The following SMYD3 variants were observed in gnomAD, a reference collection of about 807,000 sequenced individuals.
SMYD3 encodes histone-lysine N-methyltransferase SMYD3.
A neutral mutation model predicts 57.7 loss-of-function variants in SMYD3; 36 were observed. The ratio of observed to expected loss-of-function variants is 0.62; its 90% CI spans 0.48 to 0.82. The LOEUF (loss-of-function observed/expected upper bound fraction) is 0.82. Ranked by LOEUF, SMYD3 falls within the 40% of genes least tolerant of loss-of-function variation. The pLI is 0.00. For missense variants in SMYD3, 515 were observed against 538.8 expected (o/e 0.96, Z 0.44); for synonymous variants, 211 against 195.0 (o/e 1.08, Z -0.68).
rs1409733340 is a variant in SMYD3 at position 245,773,294 on chromosome 1, A to C, written c.1077-9145T>G. Among the ~76,000 whole-genome samples the C allele has an allele frequency of 5.3e-5, 8 of 152,320 alleles. No individual in the cohort carries two copies. The East Asian group carries it at 1.5e-3, about 29-fold the overall frequency. ...TGGGTGAGTGTCCTCATTAAGGGAA[A>C]GACTTATGTTGCAGATAGGACTAAG... On this transcript the variant is annotated intron_variant, in intron 10 of 11. Coordinates refer to ENST00000490107, the MANE Select transcript of SMYD3 (RefSeq NM_001167740.2).
At chr1:245,792,574 G>C (rs1422662786) in intron 10 of SMYD3, among the ~76,000 whole-genome samples, 1 of 152,158 alleles carries the variant, frequency 6.6e-6, no homozygotes, top group Non-Finnish European at 1.5e-5. Flanking sequence ...AGTTAGCATG[G>C]AATTCTGACA....
intron 1 of SMYD3, 93 bp downstream of exon 1, chr1:246,506,961 G>A (rs1361962625): frequency 2.5e-5 from 30 of 1,199,126 alleles, no homozygotes; most frequent in Non-Finnish European, 3.2e-5. Flanking sequence ...CCATCCAGCA[G>A]GAGTCCCGCG....
intron 5 of SMYD3, among the ~76,000 whole-genome samples, chr1:245,970,500 A>G (rs2058270915): frequency 6.6e-6 from 1 of 152,230 alleles, no homozygotes; most frequent in African/African-American, 2.4e-5. Flanking sequence ...ACAGCAAAAG[A>G]AAAGTATCAG....
At chr1:246,213,002 G>A (rs934754405) in intron 5 of SMYD3, among the ~76,000 whole-genome samples, 3 of 152,120 alleles carry the variant, frequency 2.0e-5, no homozygotes, top group African/African-American at 7.3e-5. Flanking sequence ...GTCTACAAAA[G>A]GAGCTCTAGT....
intron 5 of SMYD3, among the ~76,000 whole-genome samples, chr1:245,981,220 G>A (rs1558556110): frequency 6.6e-6 from 1 of 152,240 alleles, no homozygotes; most frequent in Non-Finnish European, 1.5e-5. Context: ...TTTTAGGACA[G>A]GTAGTGCCAA....
At chr1:246,320,829 G>A (rs1252436075) in intron 5 of SMYD3, among the ~76,000 whole-genome samples, 1 of 152,112 alleles carries the variant, frequency 6.6e-6, no homozygotes, top group Non-Finnish European at 1.5e-5. Flanking sequence ...ATTATCAATG[G>A]ACATTTTAAG....
intron 1 of SMYD3, among the ~76,000 whole-genome samples, chr1:246,369,147 T>C (rs1170119838): frequency 1.3e-5 from 2 of 152,120 alleles, no homozygotes; most frequent in African/African-American, 4.8e-5. Context: ...AAACTTAATA[T>C]CATGCTTGGT....
At chr1:246,372,662 G>GGATCTCTTGA (rs2066211234) in intron 1 of SMYD3, among the ~76,000 whole-genome samples, 2 of 152,212 alleles carry the variant, frequency 1.3e-5, no homozygotes, top group South Asian at 4.1e-4. Context: ...CTTGAGGGCA[G>GGATCTCTTGA]GGGTTAGAGA....
intron 1 of SMYD3, among the ~76,000 whole-genome samples, chr1:246,497,711 G>T (rs1201849134): frequency 1.3e-5 from 2 of 152,056 alleles, no homozygotes; most frequent in East Asian, 3.9e-4. Context: ...CTTTTAATTA[G>T]CTGGGTATGA....
intron 5 of SMYD3, among the ~76,000 whole-genome samples, chr1:246,072,960 G>A (rs920549628): frequency 3.9e-5 from 6 of 152,200 alleles, no homozygotes; most frequent in Admixed American, 6.5e-5. Flanking sequence ...ATTTGTGAAA[G>A]ATAAAATTTC....
intron 1 of SMYD3, among the ~76,000 whole-genome samples, chr1:246,450,724 T>A (rs1185367196): frequency 2.0e-5 from 3 of 152,188 alleles, no homozygotes; most frequent in African/African-American, 7.2e-5. Context: ...AGTAAATGCG[T>A]GATTATTAAA....
chr1:246,213,992 AC>A (rs2063126600), intron 5 of SMYD3, among the ~76,000 whole-genome samples: 1 of 152,122 alleles, frequency 6.6e-6, no homozygotes, highest in Admixed American at 6.5e-5. Context: ...CTCTCGTAAC[AC>A]CAAAAGCTCC....
At chr1:246,504,873 CTT>C (rs2103081161) in intron 1 of SMYD3, among the ~76,000 whole-genome samples, 1 of 152,320 alleles carries the variant, frequency 6.6e-6, no homozygotes, top group Admixed American at 6.5e-5. Context: ...AATACAGAAA[CTT>C]ATCCCTCAAG....
Position 246,355,903 on chromosome 1 carries a change from T to C in SMYD3, c.165-809A>G, listed in dbSNP as rs1037375552. Among the ~76,000 whole-genome samples, 2 of 152,168 alleles carry C rather than the reference T, an allele frequency of 1.3e-5. No homozygotes were observed. Among genetic ancestry groups the C allele is most frequent in the Admixed American group, 1.3e-4 (2 of 15,284 alleles). Reference sequence around the variant, plus strand: ...AGGCCATAATCTCTTGGGAGCTCTATGGCCCTGCCTACCACCTAAGAAACC... The same window carrying C: ...AGGCCATAATCTCTTGGGAGCTCTACGGCCCTGCCTACCACCTAAGAAACC... On this transcript the variant is annotated intron_variant, in intron 1 of 11. Coordinates refer to ENST00000490107, the MANE Select transcript of SMYD3 (RefSeq NM_001167740.2). This position sits in a 1 kb window ranked among gnomAD's most constrained non-coding sequence, Gnocchi z 5.0.
At chr1:246,318,440 G>A (rs1052248898) in intron 5 of SMYD3, among the ~76,000 whole-genome samples, 1 of 152,042 alleles carries the variant, frequency 6.6e-6, no homozygotes, top group Non-Finnish European at 1.5e-5. Context: ...TCCACAAAAC[G>A]GAAAAGGGAT....
chr1:245,947,104 A>G (rs1421344329), intron 5 of SMYD3, among the ~76,000 whole-genome samples: 1 of 152,204 alleles, frequency 6.6e-6, no homozygotes, highest in African/African-American at 2.4e-5. Flanking sequence ...GCTGGGGATT[A>G]CTGAAGACCA....
chr1:246,454,245 C>A (rs1291891601), intron 1 of SMYD3, among the ~76,000 whole-genome samples: 2 of 152,104 alleles, frequency 1.3e-5, no homozygotes, highest in Non-Finnish European at 2.9e-5. Flanking sequence ...ACCATTAGCA[C>A]CATAATCAGT....
At chr1:246,369,606 A>G (rs1354329707) in intron 1 of SMYD3, among the ~76,000 whole-genome samples, 1 of 152,124 alleles carries the variant, frequency 6.6e-6, no homozygotes, top group African/African-American at 2.4e-5. Flanking sequence ...AGCTCACTGA[A>G]GCCTCTACCT....
intron 10 of SMYD3, among the ~76,000 whole-genome samples, chr1:245,779,907 C>T (rs2046762390): frequency 6.6e-6 from 1 of 152,174 alleles, no homozygotes; most frequent in Non-Finnish European, 1.5e-5. Context: ...ACAAATGGCT[C>T]ATAAACACCT....
Sources: allele counts gnomAD v4.1 joint callset (sites outside exome capture counted in the v4.1 genomes callset), GRCh38; gene constraint gnomAD v4.1.1; non-coding constraint Gnocchi (gnomAD v3.1); transcripts MANE v1.5; gene names NCBI Gene and HGNC (gene_info 2026-07-23, HGNC 2026-07-21).